Variants in SEMA4D observed in about 807,000 individuals in gnomAD.
SEMA4D encodes the protein semaphorin 4D.
Under a neutral mutation model 74.8 loss-of-function variants are expected in SEMA4D, and 22 were observed. The observed-to-expected ratio is 0.29, with a 90% CI of 0.21 to 0.42. The LOEUF (loss-of-function observed/expected upper bound fraction) is 0.42, where lower values mean the gene tolerates loss of function less well. Ranked by LOEUF, SEMA4D falls within the 10% of genes least tolerant of loss-of-function variation. The pLI is 1.00. For missense variants in SEMA4D, 937 were observed against 1,118.4 expected (o/e 0.84, Z 2.31); for synonymous variants, 445 against 463.7 (o/e 0.96, Z 0.52).
At chr9:89,393,311 C>T (rs921975295) in intron 7 of SEMA4D, among the ~76,000 whole-genome samples, 4 of 152,188 alleles carry the variant, frequency 2.6e-5, no homozygotes, top group East Asian at 1.9e-4. Context: ...GCTCAGCACG[C>T]GGGGATTATC....
At chr9:89,448,879 G>T in intron 2 of SEMA4D, among the ~76,000 whole-genome samples, 1 of 152,166 alleles carries the variant, frequency 6.6e-6, no homozygotes, top group East Asian at 1.9e-4. Flanking sequence ...CCCAGGGGTG[G>T]CCAAAGCAAG....
chr9:89,464,936 G>A (rs1374896853), intron 1 of SEMA4D, among the ~76,000 whole-genome samples: 1 of 152,128 alleles, frequency 6.6e-6, no homozygotes, highest in African/African-American at 2.4e-5. Context: ...ATATTAGCTT[G>A]CTTGCTTTAT....
In SEMA4D at chr9:89,381,147, C is replaced by A. The variant is rs754667829; in HGVS notation, c.1619+27G>T. 6 of 1,614,166 alleles carry A rather than the reference C, an allele frequency of 3.7e-6. No homozygotes were observed. The South Asian group carries it at 6.6e-5, about 18-fold the overall frequency. On this transcript the variant is annotated intron_variant, in intron 14 of 15. Transcript: ENST00000422704. The surrounding 1 kb of genome is among the most constrained non-coding windows in gnomAD (Gnocchi z 4.6). ...ATTCACCCACACACATGGGGGACATCCCCAGGCAGCGCATCCCGCCCCATA... is the reference window on the plus strand; with the variant it reads ...ATTCACCCACACACATGGGGGACATACCCAGGCAGCGCATCCCGCCCCATA...
chr9:89,391,177 T>G, intron 9 of SEMA4D, 87 bp downstream of exon 9: 2 of 1,320,916 alleles, frequency 1.5e-6, no homozygotes, highest in Non-Finnish European at 2.1e-6. Flanking sequence ...AAAGTGACAT[T>G]TGAGACGAAG....
intron 2 of SEMA4D, chr9:89,418,872 T>C (rs1318540659): frequency 6.6e-6 from 1 of 152,246 alleles, no homozygotes. Flanking sequence ...TATTCTGTGG[T>C]GAGGAGGGTT....
intron 1 of SEMA4D, among the ~76,000 whole-genome samples, chr9:89,491,844 G>T (rs1395087750): frequency 2.6e-5 from 4 of 152,090 alleles, no homozygotes. Flanking sequence ...ACCAGCGATG[G>T]GACAGCCCCA....
At chr9:89,402,133 A>G (rs1252121434) in intron 4 of SEMA4D, among the ~76,000 whole-genome samples, 1 of 152,240 alleles carries the variant, frequency 6.6e-6, no homozygotes, top group East Asian at 1.9e-4. Flanking sequence ...GGATCACTTG[A>G]GCCCAGGAGT....
intron 1 of SEMA4D, among the ~76,000 whole-genome samples, chr9:89,482,659 G>A (rs191251464): frequency 7.2e-5 from 11 of 152,300 alleles, no homozygotes; most frequent in Admixed American, 1.3e-4. Flanking sequence ...GTGTTTTTCC[G>A]TCTGTAGCAA....
At chr9:89,407,335 G>C (rs1368081195) in intron 2 of SEMA4D, among the ~76,000 whole-genome samples, 2 of 152,122 alleles carry the variant, frequency 1.3e-5, no homozygotes, top group Non-Finnish European at 2.9e-5. Context: ...CTGCTGCCTG[G>C]AACTAGAATG....
chr9:89,418,291 G>C (rs895885645), intron 2 of SEMA4D: 2 of 810,792 alleles, frequency 2.5e-6, no homozygotes, highest in African/African-American at 3.7e-5. Flanking sequence ...GACAGCACTG[G>C]GGCAGACAGG....
At chr9:89,362,229 C>A in exon 19 of SEMA4D, 1 of 1,116,660 alleles carries the variant, frequency 9.0e-7, no homozygotes, top group Non-Finnish European at 1.3e-6. Context: ...CCAGGCTTCT[C>A]CACTGTCCCG....
chr9:89,493,532 G>A (rs1235889477), intron 1 of SEMA4D, among the ~76,000 whole-genome samples: 1 of 152,138 alleles, frequency 6.6e-6, no homozygotes, highest in Non-Finnish European at 1.5e-5. Flanking sequence ...CAGGCCTAAC[G>A]GGAAACTTTC....
intron 1 of SEMA4D, among the ~76,000 whole-genome samples, chr9:89,488,525 A>G (rs961532372): frequency 2.0e-5 from 3 of 151,936 alleles, no homozygotes; most frequent in African/African-American, 4.8e-5. Flanking sequence ...TACGTGCACC[A>G]TCACATCCGG....
At chr9:89,479,433 T>C (rs1321776933) in intron 1 of SEMA4D, 6 of 154,072 alleles carry the variant, frequency 3.9e-5, no homozygotes, top group Non-Finnish European at 8.6e-5. Context: ...CTCAGCCCCG[T>C]CCTCGTTGGG....
intron 1 of SEMA4D, among the ~76,000 whole-genome samples, chr9:89,493,402 C>A (rs960843336): frequency 3.3e-5 from 5 of 152,208 alleles, no homozygotes; most frequent in Non-Finnish European, 7.3e-5. Flanking sequence ...GGGCTCAGAG[C>A]CCCGCCACAG....
intron 13 of SEMA4D, chr9:89,384,786 CG>C: frequency 1.0e-6 from 1 of 985,378 alleles, no homozygotes; most frequent in African/African-American, 1.7e-5. Context: ...TGCTGATCAC[CG>C]TGAGAGAGCC....
chr9:89,396,892 T>C (rs1841085608), intron 5 of SEMA4D, 57 bp from the exon 6 acceptor site: 1 of 1,472,754 alleles, frequency 6.8e-7, no homozygotes, highest in Non-Finnish European at 9.4e-7. Flanking sequence ...CCCTCCACTA[T>C]TCAAACTGCT....
chr9:89,425,632 G>A (rs73486144), intron 2 of SEMA4D, among the ~76,000 whole-genome samples: 57 of 152,342 alleles, frequency 3.7e-4, no homozygotes, highest in African/African-American at 1.2e-3. Context: ...CCGCTGCTTT[G>A]ACATCAGGGG....
chr9:89,437,124 C>A (rs1215710902), intron 2 of SEMA4D, among the ~76,000 whole-genome samples: 2 of 152,196 alleles, frequency 1.3e-5, no homozygotes, highest in African/African-American at 2.4e-5. Flanking sequence ...GGGCAGACGA[C>A]CCTAAAACAG....
Sources: allele counts gnomAD v4.1 joint callset (sites outside exome capture counted in the v4.1 genomes callset), GRCh38; gene constraint gnomAD v4.1.1; non-coding constraint Gnocchi (gnomAD v3.1); transcripts MANE v1.5; gene names NCBI Gene and HGNC (gene_info 2026-07-23, HGNC 2026-07-21).